Variants in CENPP observed in about 807,000 individuals in gnomAD.
CENPP encodes the protein centromere protein P.
CENPP carries 24 observed loss-of-function variants against 35.6 expected under a neutral mutation model. That is an observed-to-expected ratio of 0.67 (90% CI 0.49 to 0.95). CENPP has a LOEUF of 0.95. CENPP is among the 40% of genes least tolerant of loss of function. The probability of loss-of-function intolerance (pLI) is 0.00; values close to 1 mark genes in which losing one functional copy is unlikely to be tolerated. For missense variants in CENPP, 332 were observed against 345.3 expected, an observed-to-expected ratio of 0.96 and a Z score of 0.31; for synonymous variants, 120 against 125.5, an observed-to-expected ratio of 0.96 and a Z score of 0.29.
intron 5 of CENPP, among the ~76,000 whole-genome samples, chr9:92,442,588 G>A (rs965997399): frequency 1.1e-4 from 16 of 151,982 alleles, no homozygotes; most frequent in African/African-American, 3.9e-4. Flanking sequence ...AGTGGCTCAC[G>A]CCTGTAATCC....
intron 5 of CENPP, chr9:92,470,669 A>G (rs1845478076): frequency 6.9e-7 from 1 of 1,439,462 alleles, no homozygotes; most frequent in Non-Finnish European, 9.6e-7. Context: ...ATATTCTTAC[A>G]TAAAGTGAAG....
intron 5 of CENPP, among the ~76,000 whole-genome samples, chr9:92,571,951 C>G (rs550549486): frequency 2.6e-4 from 36 of 136,574 alleles, no homozygotes; most frequent in Non-Finnish European, 4.5e-4. Context: ...GTAGATCCTT[C>G]TCCATTCCTT....
At chr9:92,391,359 A>G (rs918760334) in intron 5 of CENPP, among the ~76,000 whole-genome samples, 4 of 152,186 alleles carry the variant, frequency 2.6e-5, no homozygotes, top group African/African-American at 7.2e-5. Flanking sequence ...GTGAGCCGAG[A>G]TGGTGCCACT....
intron 5 of CENPP, among the ~76,000 whole-genome samples, chr9:92,437,189 C>T (rs112616002): frequency 0.039 from 5,860 of 152,036 alleles, 145 homozygotes; most frequent in Middle Eastern, 0.075. Context: ...GCAACAAGAG[C>T]GAAACTCTGT....
chr9:92,405,215 T>C (rs1231157568), intron 5 of CENPP, among the ~76,000 whole-genome samples: 1 of 152,156 alleles, frequency 6.6e-6, no homozygotes, highest in Admixed American at 6.5e-5. Context: ...CTTTATAAAA[T>C]TACTTTAATA....
rs151024689 is a variant in CENPP at position 92,577,462 on chromosome 9, A to C, written c.565-33852A>C. Among the ~76,000 whole-genome samples, 19 of 152,320 alleles carry C rather than the reference A, an allele frequency of 1.2e-4. No individual in the cohort carries two copies. The East Asian group carries it at 3.3e-3, about 26-fold the overall frequency. On this transcript the variant is annotated intron_variant, in intron 5 of 7. Transcript: ENST00000375587. ...ATACCATTTAGAATTGAGAAGAACA[A>C]CACCATGGAGCTACATACGACATCA... is the stretch of plus-strand genomic sequence containing the variant.
intron 1 of CENPP, 114 bp downstream of exon 1, chr9:92,326,219 G>A (rs1051243036): frequency 1.4e-6 from 1 of 701,580 alleles, no homozygotes; most frequent in African/African-American, 1.9e-5. Context: ...AAGTGGGCAT[G>A]AACTGGCATT....
At chr9:92,357,956 G>A (rs563737784) in intron 4 of CENPP, among the ~76,000 whole-genome samples, 4 of 151,834 alleles carry the variant, frequency 2.6e-5, no homozygotes, top group Non-Finnish European at 5.9e-5. Context: ...AACATCCCTT[G>A]TATGTGACCA....
At chr9:92,397,626 G>C (rs1472533104) in intron 5 of CENPP, among the ~76,000 whole-genome samples, 1 of 152,082 alleles carries the variant, frequency 6.6e-6, no homozygotes, top group African/African-American at 2.4e-5. Context: ...CACCACACCC[G>C]GCCAGCATTG....
At chr9:92,419,352 G>A (rs1843716395) in intron 5 of CENPP, among the ~76,000 whole-genome samples, 1 of 145,920 alleles carries the variant, frequency 6.9e-6, no homozygotes, top group Non-Finnish European at 1.5e-5. Flanking sequence ...CCAGACTGGA[G>A]TGCAGTGGTG....
chr9:92,390,465 A>T (rs773908131), intron 5 of CENPP, among the ~76,000 whole-genome samples: 4 of 152,104 alleles, frequency 2.6e-5, no homozygotes, highest in Non-Finnish European at 5.9e-5. Context: ...TGAGTATGTT[A>T]TCTTAATCTT....
At chr9:92,549,723 G>A (rs574359186) in intron 5 of CENPP, among the ~76,000 whole-genome samples, 9 of 151,954 alleles carry the variant, frequency 5.9e-5, no homozygotes, top group Admixed American at 3.9e-4. Flanking sequence ...CCCAGACACC[G>A]GATTAGATAT....
At chr9:92,342,686 C>G (rs1328647074) in intron 3 of CENPP, among the ~76,000 whole-genome samples, 3 of 152,166 alleles carry the variant, frequency 2.0e-5, no homozygotes, top group Admixed American at 2.0e-4. Flanking sequence ...TGAGAGGCAC[C>G]AAGAGTTCTT....
chr9:92,430,664 C>G (rs1288876616), intron 5 of CENPP, among the ~76,000 whole-genome samples: 1 of 151,422 alleles, frequency 6.6e-6, no homozygotes, highest in African/African-American at 2.4e-5. Context: ...ACAAGTTTAT[C>G]CATCTCTTCT....
chr9:92,402,911 C>T (rs985608521), intron 5 of CENPP, among the ~76,000 whole-genome samples: 4 of 152,160 alleles, frequency 2.6e-5, no homozygotes, highest in African/African-American at 7.2e-5. Flanking sequence ...GGCAACACAA[C>T]ATTGCAAGTA....
chr9:92,342,349 G>A (rs1841147744), intron 3 of CENPP, among the ~76,000 whole-genome samples: 1 of 152,234 alleles, frequency 6.6e-6, no homozygotes. Flanking sequence ...ATATGCTTTA[G>A]CGGATGCAGG....
chr9:92,355,625 C>G (rs1841569476), intron 4 of CENPP, among the ~76,000 whole-genome samples: 1 of 152,146 alleles, frequency 6.6e-6, no homozygotes, highest in African/African-American at 2.4e-5. Flanking sequence ...GCAGCATATT[C>G]ATTTGCTATA....
At chr9:92,413,396 A>G (rs139462386) in intron 5 of CENPP, among the ~76,000 whole-genome samples, 2 of 152,242 alleles carry the variant, frequency 1.3e-5, no homozygotes, top group East Asian at 3.9e-4. Flanking sequence ...CATCTTGCCA[A>G]CACTTGTTAT....
At chr9:92,501,007 G>A (rs1481578407) in intron 5 of CENPP, 2 of 1,614,032 alleles carry the variant, frequency 1.2e-6, no homozygotes, top group African/African-American at 2.7e-5. Flanking sequence ...AGATAGGACG[G>A]GACGTGATAG....
Sources: allele counts gnomAD v4.1 joint callset (sites outside exome capture counted in the v4.1 genomes callset), GRCh38; gene constraint gnomAD v4.1.1; transcripts MANE v1.5; gene names NCBI Gene and HGNC (gene_info 2026-07-23, HGNC 2026-07-21).